FBXL17: variants seen among roughly 807,000 people sequenced by gnomAD.
The protein encoded by FBXL17 is F-box/LRR-repeat protein 17.
Under a neutral mutation model 66.2 loss-of-function variants are expected in FBXL17, and 22 were observed. The ratio of observed to expected loss-of-function variants is 0.33; its 90% CI spans 0.24 to 0.47. The LOEUF (loss-of-function observed/expected upper bound fraction) is 0.47, where lower values mean the gene tolerates loss of function less well. Among genes scored for constraint, FBXL17 ranks in the 20% least tolerant of loss-of-function variants. FBXL17 has a pLI of 1.00. For missense variants in FBXL17, 878 were observed against 948.2 expected, an observed-to-expected ratio of 0.93 and a Z score of 0.97; for synonymous variants, 474 against 400.5, an observed-to-expected ratio of 1.18 and a Z score of -2.19.
At chr5:107,921,472 T>A (rs1259050704) in intron 7 of FBXL17, among the ~76,000 whole-genome samples, 1 of 152,128 alleles carries the variant, frequency 6.6e-6, no homozygotes, top group Non-Finnish European at 1.5e-5. Context: ...GCAATGACAT[T>A]GAGAAGCAGG....
intron 7 of FBXL17, among the ~76,000 whole-genome samples, chr5:107,963,924 C>T (rs1382662742): frequency 2.6e-5 from 4 of 152,092 alleles, no homozygotes; most frequent in Non-Finnish European, 5.9e-5. Context: ...TCAGATAATT[C>T]AGAACATCTA....
chr5:108,082,367 C>T (rs1384402025), intron 6 of FBXL17, among the ~76,000 whole-genome samples: 1 of 152,142 alleles, frequency 6.6e-6, no homozygotes, highest in Non-Finnish European at 1.5e-5. Context: ...CATGGTGATA[C>T]ACCTCATAGC....
chr5:107,953,165 C>G (rs191297591), intron 7 of FBXL17, among the ~76,000 whole-genome samples: 3,526 of 151,860 alleles, frequency 0.023, 133 homozygotes, highest in African/African-American at 0.081. Context: ...CACTTTGGGA[C>G]GCCAAGGTGG....
At chr5:108,212,970 TC>T (rs1170420964) in intron 5 of FBXL17, among the ~76,000 whole-genome samples, 2 of 152,174 alleles carry the variant, frequency 1.3e-5, no homozygotes, top group Non-Finnish European at 2.9e-5. Flanking sequence ...TATCTATATG[TC>T]CCTGACAGGA....
At chr5:108,364,584 T>G (rs1026540589) in intron 3 of FBXL17, among the ~76,000 whole-genome samples, 154 bp downstream of exon 3, 4 of 152,050 alleles carry the variant, frequency 2.6e-5, no homozygotes, top group Non-Finnish European at 4.4e-5. Context: ...GGCACTCTAG[T>G]TAACTAATCT....
In FBXL17 at chr5:108,163,399, C is replaced by CTTTTTT. The variant is rs764052812; in HGVS notation, c.1745+22712_1745+22717dup. On this transcript the variant is annotated intron_variant, in intron 6 of 8. Coordinates refer to ENST00000542267, the MANE Select transcript of FBXL17 (RefSeq NM_001163315.3). ...GCAGGACATGAAAACTTTTTTTTTT[C>CTTTTTT]TTTTTTTTTTTTTTTTTTTGAGACA... Among the ~76,000 whole-genome samples the CTTTTTT allele has an allele frequency of 1.4e-4, 18 of 129,554 alleles. 1 individual carries two copies. Among genetic ancestry groups the CTTTTTT allele is most frequent in the South Asian group, 7.2e-4 (3 of 4,192 alleles). 85.0% of individuals were successfully genotyped at this position (129,554 alleles called of 152,430 possible). A position where few individuals can be genotyped will look rare whatever the true frequency, so the allele number is the denominator to read the frequency against.
intron 4 of FBXL17, among the ~76,000 whole-genome samples, chr5:108,265,405 A>G (rs557125050): frequency 6.6e-6 from 1 of 152,296 alleles, no homozygotes; most frequent in Admixed American, 6.5e-5. Context: ...CATTGCAAAT[A>G]CTACTTACTG....
chr5:108,332,671 G>C (rs1760178377), intron 4 of FBXL17, among the ~76,000 whole-genome samples: 1 of 152,040 alleles, frequency 6.6e-6, no homozygotes, highest in Non-Finnish European at 1.5e-5. Context: ...GCAGCGGCTT[G>C]ATCTCAGCTC....
rs78604397 is a variant in FBXL17, at chr5:108,112,606, G to A, written c.1745+73511C>T. Among the ~76,000 whole-genome samples the A allele has an allele frequency of 1.7e-3, 253 of 152,158 alleles. 3 individuals carry two copies. In the East Asian group the frequency reaches 0.031, roughly 19 times the overall value. Reference sequence around the variant, plus strand: ...AGAAACAGGAAAACATATCCCATGAGGAGAAAAAACAATCAATATAAATAG... The same window carrying A: ...AGAAACAGGAAAACATATCCCATGAAGAGAAAAAACAATCAATATAAATAG... On this transcript the variant is annotated intron_variant, in intron 6 of 8. Coordinates refer to ENST00000542267, the MANE Select transcript of FBXL17 (RefSeq NM_001163315.3).
chr5:107,889,684 G>C (rs1013151620), intron 7 of FBXL17, among the ~76,000 whole-genome samples: 6 of 152,184 alleles, frequency 3.9e-5, no homozygotes, highest in African/African-American at 1.4e-4. Context: ...GGTTGCATCT[G>C]CTTTCCTTCC....
At chr5:107,862,510 C>T (rs1748153569) in intron 8 of FBXL17, among the ~76,000 whole-genome samples, 1 of 152,132 alleles carries the variant, frequency 6.6e-6, no homozygotes. Flanking sequence ...AACACCTTTA[C>T]AATTGCTGTG....
At chr5:107,980,664 A>ATATATATATATATATATATATATTTTTT in intron 7 of FBXL17, among the ~76,000 whole-genome samples, 6 of 62,064 alleles carry the variant, frequency 9.7e-5, no homozygotes, top group East Asian at 1.1e-3. Flanking sequence ...ATATATATAT[A>ATATATATATATATATATATATATTTTTT]TTTTTTTTTT....
intron 6 of FBXL17, among the ~76,000 whole-genome samples, chr5:108,054,367 G>A (rs1747602852): frequency 6.6e-6 from 1 of 152,046 alleles, no homozygotes; most frequent in Admixed American, 6.5e-5. Flanking sequence ...TAAGACTCCA[G>A]GAAGAAAAGG....
Position 108,044,455 on chromosome 5 carries a change from T to G in FBXL17, c.1746-23454A>C, listed in dbSNP as rs956516343. Among the ~76,000 whole-genome samples, 7 of 152,300 alleles carry G rather than the reference T, an allele frequency of 4.6e-5. No homozygotes were observed. The South Asian group carries it at 1.4e-3, about 32-fold the overall frequency. On this transcript the variant is annotated intron_variant, in intron 6 of 8. Transcript: ENST00000542267. ...CTGATATGATCATGTGATCTTTTGATTTTTGAATACCAAACCAGCCTTGAA... is the reference window on the plus strand; with the variant it reads ...CTGATATGATCATGTGATCTTTTGAGTTTTGAATACCAAACCAGCCTTGAA...
At chr5:108,172,740 T>A (rs465758) in intron 6 of FBXL17, among the ~76,000 whole-genome samples, 115,019 of 151,582 alleles carry the variant, frequency 0.76, 44,126 homozygotes, top group East Asian at 0.93. Flanking sequence ...TTTCTATTTT[T>A]TCTAATCAAT....
At chr5:107,995,809 C>A (rs1271328867) in intron 7 of FBXL17, among the ~76,000 whole-genome samples, 1 of 151,852 alleles carries the variant, frequency 6.6e-6, no homozygotes, top group African/African-American at 2.4e-5. Context: ...TAATAAAAAG[C>A]ACAAAGCTGT....
chr5:108,200,368 A>G (rs939000954), intron 5 of FBXL17, among the ~76,000 whole-genome samples: 6 of 152,040 alleles, frequency 3.9e-5, no homozygotes, highest in Admixed American at 1.3e-4. Flanking sequence ...AAAAGAAAAG[A>G]AGGAGGAAGG....
At position 108,364,101 on chromosome 5, in the gene FBXL17, G is replaced by C. The variant is rs148751268; in HGVS notation, c.1374+637C>G. Reference sequence around the variant, plus strand: ...CACCCAGTACTCACTATTTAGGATAGAGTCTTCCCAAATTTCTTTTCATAC... The same window carrying C: ...CACCCAGTACTCACTATTTAGGATACAGTCTTCCCAAATTTCTTTTCATAC... On this transcript the variant is annotated intron_variant, in intron 3 of 8. Transcript: ENST00000542267. 4.3e-4 allele frequency among the ~76,000 whole-genome samples: 66 copies of C among 152,092 alleles called. No homozygotes were observed. The South Asian group carries it at 7.5e-3, about 17-fold the overall frequency.
intron 6 of FBXL17, among the ~76,000 whole-genome samples, chr5:108,089,562 C>T (rs1749112004): frequency 6.6e-6 from 1 of 152,190 alleles, no homozygotes; most frequent in African/African-American, 2.4e-5. Context: ...TGGACCTGCT[C>T]ACATCCTTGA....
Sources: gnomAD v4.1 joint callset for allele counts (sites outside exome capture counted in the v4.1 genomes callset) on GRCh38, gnomAD v4.1.1 for gene constraint, MANE v1.5 for transcripts, NCBI Gene and HGNC (gene_info 2026-07-23, HGNC 2026-07-21) for gene names.